The following ST6GAL2 variants were observed in gnomAD, a reference collection of about 807,000 sequenced individuals.
ST6GAL2 encodes the protein beta-galactoside alpha-2,6-sialyltransferase 2.
Under a neutral mutation model 37.5 loss-of-function variants are expected in ST6GAL2, and 24 were observed. The ratio of observed to expected loss-of-function variants is 0.64; its 90% CI spans 0.46 to 0.90. The LOEUF (loss-of-function observed/expected upper bound fraction) is 0.90, where lower values mean the gene tolerates loss of function less well. Among genes scored for constraint, ST6GAL2 ranks in the 40% least tolerant of loss-of-function variants. The pLI, the probability that ST6GAL2 is intolerant of heterozygous loss-of-function variation, is 0.00. For missense variants in ST6GAL2, 715 were observed against 712.7 expected (o/e 1.00, Z -0.04); for synonymous variants, 306 against 295.1 (o/e 1.04, Z -0.38).
intron 5 of ST6GAL2, among the ~76,000 whole-genome samples, chr2:106,827,901 C>T (rs913791826): frequency 3.9e-5 from 6 of 152,178 alleles, no homozygotes; most frequent in African/African-American, 1.4e-4. Flanking sequence ...GATTAACTAA[C>T]TTGCCCAAGG....
chr2:106,823,484 CACAGAG>C (rs1015877817), intron 5 of ST6GAL2, among the ~76,000 whole-genome samples: 11 of 96,438 alleles, frequency 1.1e-4, no homozygotes, highest in African/African-American at 4.4e-4. Flanking sequence ...CACACACACA[CACAGAG>C]AGAGAGAGAG....
chr2:106,836,387 A>C (rs992085094), intron 2 of ST6GAL2, among the ~76,000 whole-genome samples: 1 of 152,176 alleles, frequency 6.6e-6, no homozygotes, highest in Non-Finnish European at 1.5e-5. Flanking sequence ...AGACTCTACG[A>C]GGGCTAGTTT....
At chr2:106,816,834 G>A (rs147003753) in intron 5 of ST6GAL2, among the ~76,000 whole-genome samples, 331 of 152,196 alleles carry the variant, frequency 2.2e-3, no homozygotes, top group African/African-American at 7.6e-3. Flanking sequence ...GAAGAGAGTC[G>A]GAAACTCAGT....
At chr2:106,836,773 C>CAAAAAATA (rs1676658495) in intron 2 of ST6GAL2, among the ~76,000 whole-genome samples, 1 of 70,262 alleles carries the variant, frequency 1.4e-5, no homozygotes, top group Non-Finnish European at 2.6e-5. Context: ...ACTAAAAATA[C>CAAAAAATA]AAAAAAAAAA....
chr2:106,852,367 G>A (rs1053427164), intron 1 of ST6GAL2, among the ~76,000 whole-genome samples: 1 of 152,186 alleles, frequency 6.6e-6, no homozygotes, highest in Non-Finnish European at 1.5e-5. Context: ...CTGCTAGGAA[G>A]GGCACTGCTA....
intron 1 of ST6GAL2, among the ~76,000 whole-genome samples, chr2:106,855,321 T>C (rs1206395547): frequency 6.6e-6 from 1 of 152,198 alleles, no homozygotes; most frequent in Admixed American, 6.5e-5. Context: ...TTTGTTTCTC[T>C]CTTTGGAAAT....
Position 106,843,447 on chromosome 2 carries a change from G to T in ST6GAL2, c.531C>A (p.His177Gln), listed in dbSNP as rs770385803. The change falls in exon 2 of 6, where the codon CAC (histidine) becomes CAA (glutamine). Residue 177 changes from histidine (H) to glutamine (Q), a missense_variant. Physicochemically the swap from His to Gln is conservative, Grantham distance 24. Around this residue, in one of 3 missense-constraint regions of ST6GAL2, gnomAD observed 512 missense variants for 488.8 expected, o/e 1.05. Transcript: ENST00000409382. ...ACACGTGGCTCCTTCTCTGCCTCCG[G>T]TGCCTCTTCTTCACCCGCCTCCTCT... Reference protein sequence around the residue: ...QVQRRRVKKRHRRQRRSHVLE... With the variant: ...QVQRRRVKKRQRRQRRSHVLE... 40 of 1,614,088 alleles carry T rather than the reference G, an allele frequency of 2.5e-5. 1 individual carries two copies. In the South Asian group the frequency reaches 4.4e-4, roughly 18 times the overall value.
chr2:106,841,861 A>C (rs1050443936), intron 2 of ST6GAL2, among the ~76,000 whole-genome samples: 27 of 152,240 alleles, frequency 1.8e-4, no homozygotes, highest in Admixed American at 2.6e-4. Context: ...ATTTTACTTG[A>C]AAACTAGGAA....
At chr2:106,816,873 A>G (rs1171790195) in intron 5 of ST6GAL2, among the ~76,000 whole-genome samples, 1 of 152,218 alleles carries the variant, frequency 6.6e-6, no homozygotes, top group East Asian at 1.9e-4. Flanking sequence ...TGCCTCCTCC[A>G]TCCCCCAGCA....
At chr2:106,885,993 T>G (rs1678968824) in intron 1 of ST6GAL2, 100 bp downstream of exon 1, 1 of 152,210 alleles carries the variant, frequency 6.6e-6, no homozygotes, top group Non-Finnish European at 1.5e-5. Flanking sequence ...CACACGGGTC[T>G]CGCTCCTAAA....
intron 1 of ST6GAL2, among the ~76,000 whole-genome samples, chr2:106,861,876 C>T (rs1314827266): frequency 6.6e-6 from 1 of 152,140 alleles, no homozygotes; most frequent in East Asian, 1.9e-4. Context: ...AAGTGATCTG[C>T]CCGCCTTTGG....
intron 5 of ST6GAL2, among the ~76,000 whole-genome samples, chr2:106,822,539 A>T (rs1676043969): frequency 6.6e-6 from 1 of 152,196 alleles, no homozygotes; most frequent in Non-Finnish European, 1.5e-5. Flanking sequence ...CATGGATTGG[A>T]AGAATCAATA....
intron 5 of ST6GAL2, among the ~76,000 whole-genome samples, chr2:106,822,106 G>T (rs1676025582): frequency 6.6e-6 from 1 of 152,126 alleles, no homozygotes; most frequent in Non-Finnish European, 1.5e-5. Flanking sequence ...ATATGGCAAG[G>T]ATGCCCACTT....
intron 2 of ST6GAL2, among the ~76,000 whole-genome samples, chr2:106,840,517 C>A (rs1297282009): frequency 6.6e-6 from 1 of 152,192 alleles, no homozygotes. Context: ...GATACAAAAT[C>A]TGATCCAAAC....
chr2:106,874,504 A>C (rs889804777), intron 1 of ST6GAL2, among the ~76,000 whole-genome samples: 1 of 152,092 alleles, frequency 6.6e-6, no homozygotes, highest in Non-Finnish European at 1.5e-5. Context: ...GAATCTAAGG[A>C]GAAGAGAATG....
At chr2:106,808,889 C>T (rs947944615) in intron 5 of ST6GAL2, among the ~76,000 whole-genome samples, 6 of 152,156 alleles carry the variant, frequency 3.9e-5, no homozygotes, top group African/African-American at 1.2e-4. Flanking sequence ...TGCCTGTAAT[C>T]TTAGCTACTT....
At chr2:106,824,125 A>T (rs7604530) in intron 5 of ST6GAL2, among the ~76,000 whole-genome samples, 4 of 152,082 alleles carry the variant, frequency 2.6e-5, no homozygotes, top group African/African-American at 4.8e-5. Flanking sequence ...TACCCCACTA[A>T]TCAGTATATT....
Position 106,846,752 on chromosome 2 carries a change from A to G in ST6GAL2, c.-57-2718T>C, listed in dbSNP as rs567020201. ...TACATAGACAGAATATACTTTAACC[A>G]AGCCGGAACCACGGATGCCAAGAAG... On this transcript the variant is annotated intron_variant, in intron 1 of 5. Transcript: ENST00000409382. 3.3e-5 allele frequency among the ~76,000 whole-genome samples: 5 copies of G among 152,330 alleles called. No homozygotes were observed. The South Asian group carries it at 1.0e-3, about 32-fold the overall frequency.
At chr2:106,809,785 T>C in intron 5 of ST6GAL2, among the ~76,000 whole-genome samples, 1 of 152,198 alleles carries the variant, frequency 6.6e-6, no homozygotes, top group African/African-American at 2.4e-5. Flanking sequence ...AATACCATAA[T>C]GAGGAACTAC....
Sources: allele counts gnomAD v4.1 joint callset (sites outside exome capture counted in the v4.1 genomes callset), GRCh38; gene constraint gnomAD v4.1.1; regional missense constraint gnomAD v4.1.1; transcripts MANE v1.5; gene names NCBI Gene and HGNC (gene_info 2026-07-23, HGNC 2026-07-21).